FBXL7: variants seen among roughly 807,000 people sequenced by gnomAD.
FBXL7 encodes F-box and leucine rich repeat protein 7.
In FBXL7, 12 loss-of-function variants were observed where a neutral mutation model predicts 38.3. The observed-to-expected ratio is 0.31, with a 90% confidence interval of 0.20 to 0.51. The LOEUF (loss-of-function observed/expected upper bound fraction) is 0.51, where lower values mean the gene tolerates loss of function less well. Ranked by LOEUF, FBXL7 falls within the 20% of genes least tolerant of loss-of-function variation. The pLI is 0.98. For synonymous variants in FBXL7, 297 were observed against 300.9 expected (o/e 0.99, Z 0.13); for missense variants, 567 against 676.4 (o/e 0.84, Z 1.79).
intron 1 of FBXL7, among the ~76,000 whole-genome samples, chr5:15,571,233 A>G (rs1053158520): frequency 2.0e-5 from 3 of 152,170 alleles, no homozygotes; most frequent in Admixed American, 2.0e-4. Context: ...ATGGCCTCTA[A>G]CTTTTTTTCT....
rs923729675 is a variant in FBXL7 at position 15,821,223 on chromosome 5, T to C, written c.128-106667T>C. The stretch of plus-strand genomic sequence containing the variant: ...ACTTATACTACCTTTTCATAAAATG[T>C]ATAGAAATATCTTTTCATAAAATAA... On this transcript the variant is annotated intron_variant, in intron 2 of 3. Transcript: ENST00000504595. Among the ~76,000 whole-genome samples the C allele has an allele frequency of 7.9e-5, 12 of 152,362 alleles. No homozygotes were observed. The East Asian group carries it at 2.3e-3, about 29-fold the overall frequency.
intron 2 of FBXL7, among the ~76,000 whole-genome samples, chr5:15,662,207 A>T (rs1323829037): frequency 6.6e-6 from 1 of 152,010 alleles, no homozygotes; most frequent in Non-Finnish European, 1.5e-5. Flanking sequence ...GTGAGATGGT[A>T]TCTCATTTTG....
intron 2 of FBXL7, among the ~76,000 whole-genome samples, chr5:15,762,568 G>A (rs1736478241): frequency 6.6e-6 from 1 of 152,172 alleles, no homozygotes; most frequent in South Asian, 2.1e-4. Context: ...GACCTCGGGT[G>A]TATTATTTAA....
intron 1 of FBXL7, among the ~76,000 whole-genome samples, chr5:15,523,218 T>C (rs1054908004): frequency 6.6e-6 from 1 of 152,190 alleles, no homozygotes; most frequent in African/African-American, 2.4e-5. Context: ...AAACAGCTGC[T>C]TTAACAAGAG....
chr5:15,889,516 A>T (rs1002861636), intron 2 of FBXL7, among the ~76,000 whole-genome samples: 1 of 152,228 alleles, frequency 6.6e-6, no homozygotes, highest in South Asian at 2.1e-4. Flanking sequence ...TGTGACTAGA[A>T]TCAGTGAAAC....
intron 2 of FBXL7, among the ~76,000 whole-genome samples, chr5:15,633,957 T>C (rs1741087086): frequency 6.6e-6 from 1 of 151,212 alleles, no homozygotes; most frequent in Admixed American, 6.6e-5. Context: ...ATTTTTGTAT[T>C]TTTAGTAGAG....
At chr5:15,515,109 T>C (rs1190319729) in intron 1 of FBXL7, among the ~76,000 whole-genome samples, 1 of 152,168 alleles carries the variant, frequency 6.6e-6, no homozygotes, top group Non-Finnish European at 1.5e-5. Flanking sequence ...TGGAACAGGA[T>C]GCTGTTTTGG....
At position 15,937,159 on chromosome 5, in the gene FBXL7, C is replaced by T. The variant is rs755647091; in HGVS notation, c.1449C>T (p.Ile483=). ...FVKRHCKRCV[I]EHTNPAFF ...AACGCCACTGCAAGCGCTGCGTCAT[C>T]GAGCACACCAACCCGGCTTTCTTCT... Residue 483 remains isoleucine (I), a synonymous_variant, in exon 4 of 4, where the codon ATC becomes ATT. Coordinates refer to ENST00000504595, the MANE Select transcript of FBXL7 (RefSeq NM_012304.5). 1.4e-5 allele frequency: 23 copies of T among 1,599,462 alleles called. No individual in the cohort carries two copies. The Admixed American group carries it at 3.2e-4, about 22-fold the overall frequency.
chr5:15,893,882 T>C (rs149711249), intron 2 of FBXL7, among the ~76,000 whole-genome samples: 37 of 152,320 alleles, frequency 2.4e-4, no homozygotes, highest in African/African-American at 7.7e-4. Context: ...TATGGAGGCA[T>C]GATCAAACTC....
chr5:15,791,686 G>A (rs539434273), intron 2 of FBXL7, among the ~76,000 whole-genome samples: 16 of 152,264 alleles, frequency 1.1e-4, no homozygotes, highest in African/African-American at 2.2e-4. Context: ...GGGAGAGGGC[G>A]GTCACTGTCT....
chr5:15,759,585 G>T (rs533323367), intron 2 of FBXL7, among the ~76,000 whole-genome samples: 1 of 151,982 alleles, frequency 6.6e-6, no homozygotes. Context: ...TTCCGGACTC[G>T]GTCGTGTATA....
chr5:15,926,128 C>T (rs150649500), intron 2 of FBXL7, among the ~76,000 whole-genome samples: 91 of 151,876 alleles, frequency 6.0e-4, no homozygotes, highest in African/African-American at 2.0e-3. Context: ...GCTTATGGCC[C>T]GAAAACCCCA....
intron 1 of FBXL7, among the ~76,000 whole-genome samples, chr5:15,541,507 C>A (rs1204696202): frequency 8.7e-6 from 1 of 114,820 alleles, no homozygotes; most frequent in Non-Finnish European, 1.7e-5. Flanking sequence ...AAGTATTGTT[C>A]CCATCTTACC....
chr5:15,779,602 G>A (rs557072139), intron 2 of FBXL7, among the ~76,000 whole-genome samples: 2 of 152,164 alleles, frequency 1.3e-5, no homozygotes, highest in South Asian at 4.1e-4. Flanking sequence ...TGGTTTCCAT[G>A]CCTTTCCGAG....
chr5:15,791,558 T>C (rs985753210), intron 2 of FBXL7, among the ~76,000 whole-genome samples: 13 of 152,168 alleles, frequency 8.5e-5, no homozygotes, highest in African/African-American at 2.7e-4. Context: ...CAGGGACTTT[T>C]ACAAAGTTGA....
At chr5:15,617,654 G>T (rs758453065) in intron 2 of FBXL7, among the ~76,000 whole-genome samples, 38 of 152,210 alleles carry the variant, frequency 2.5e-4, no homozygotes, top group Non-Finnish European at 5.3e-4. Flanking sequence ...GGCCAGGCTG[G>T]TCTCAAACTC....
intron 1 of FBXL7, among the ~76,000 whole-genome samples, chr5:15,509,578 C>T (rs920367241): frequency 6.6e-6 from 1 of 152,144 alleles, no homozygotes; most frequent in Non-Finnish European, 1.5e-5. Flanking sequence ...AAAAGATGTG[C>T]CTGTTTTCTA....
intron 2 of FBXL7, 118 bp from the exon 3 acceptor site, chr5:15,927,772 A>AAAAAAAG: frequency 2.0e-6 from 1 of 502,238 alleles, no homozygotes; most frequent in Non-Finnish European, 2.8e-6. Context: ...CTTAAAAAAA[A>AAAAAAAG]AAAAAAAAAA....
At chr5:15,603,691 C>T (rs530819897) in intron 1 of FBXL7, among the ~76,000 whole-genome samples, 19 of 152,098 alleles carry the variant, frequency 1.2e-4, no homozygotes, top group African/African-American at 3.9e-4. Flanking sequence ...GATGGTTTGG[C>T]GTAAAGAAAG....
Sources: allele counts gnomAD v4.1 joint callset (sites outside exome capture counted in the v4.1 genomes callset), GRCh38; gene constraint gnomAD v4.1.1; transcripts MANE v1.5; gene names NCBI Gene and HGNC (gene_info 2026-07-23, HGNC 2026-07-21).